Variants in PARD3B observed in about 807,000 individuals in gnomAD.
The protein encoded by PARD3B is par-3 family cell polarity regulator beta.
PARD3B carries 103 observed loss-of-function variants against 130.2 expected under a neutral mutation model. The observed-to-expected ratio is 0.79, with a 90% CI of 0.67 to 0.93. The LOEUF is 0.93. Among genes scored for constraint, PARD3B ranks in the 40% least tolerant of loss-of-function variants. The probability of loss-of-function intolerance (pLI) is 0.00; values close to 1 mark genes in which losing one functional copy is unlikely to be tolerated. For synonymous variants in PARD3B, 583 were observed against 553.2 expected, an observed-to-expected ratio of 1.05 and a Z score of -0.76; for missense variants, 1,609 against 1,499.2, an observed-to-expected ratio of 1.07 and a Z score of -1.21.
At position 205,274,034 on chromosome 2, in the gene PARD3B, G is replaced by C. The variant is rs527502701; in HGVS notation, c.2186-26496G>C. 1.4e-4 allele frequency among the ~76,000 whole-genome samples: 21 copies of C among 152,188 alleles called. No homozygotes were observed. The East Asian group carries it at 4.1e-3, about 29-fold the overall frequency. On this transcript the variant is annotated intron_variant, in intron 16 of 22. Transcript: ENST00000406610. The surrounding 1 kb of genome is among the most constrained non-coding windows in gnomAD (Gnocchi z 4.2). ...CTGGTTACTTCATTGCACATTTGAGGATTGGCTCCTGTTTTGTGTTATCCA... is the reference window on the plus strand; with the variant it reads ...CTGGTTACTTCATTGCACATTTGAGCATTGGCTCCTGTTTTGTGTTATCCA...
At chr2:205,383,348 C>T (rs13382439) in intron 18 of PARD3B, among the ~76,000 whole-genome samples, 3,381 of 151,900 alleles carry the variant, frequency 0.022, 123 homozygotes, top group African/African-American at 0.078. Context: ...ATTATTTGTT[C>T]AACCCTCATA....
chr2:204,847,859 G>C (rs1037105810), intron 2 of PARD3B, among the ~76,000 whole-genome samples: 2 of 152,158 alleles, frequency 1.3e-5, no homozygotes, highest in Admixed American at 6.6e-5. Context: ...CGTATGCTGA[G>C]GTTGCTAAGA....
At chr2:205,199,242 C>A (rs1000701801) in intron 15 of PARD3B, among the ~76,000 whole-genome samples, 2 of 151,768 alleles carry the variant, frequency 1.3e-5, no homozygotes, top group Non-Finnish European at 2.9e-5. Flanking sequence ...AGATTAGAAC[C>A]CCAACAGGAA....
chr2:205,490,346 G>C (rs886262211), intron 20 of PARD3B, among the ~76,000 whole-genome samples: 1 of 150,486 alleles, frequency 6.6e-6, no homozygotes, highest in Middle Eastern at 3.5e-3. Context: ...TCCCACCTAT[G>C]AGCGAGAACG....
rs1008747643 is a variant in PARD3B at position 205,440,510 on chromosome 2, A to G, written c.2882A>G (p.Glu961Gly). The change falls in exon 20 of 23, where the codon GAA (glutamate) becomes GGA (glycine). Residue 961 changes from glutamate to glycine, a missense_variant. Physicochemically the swap from Glu to Gly is moderately conservative, Grantham distance 98 (BLOSUM62 -2). Coordinates refer to ENST00000406610, the MANE Select transcript of PARD3B (RefSeq NM_001302769.2). This position sits in a 1 kb window ranked among gnomAD's most constrained non-coding sequence, Gnocchi z 4.2. ...TATGCCAGAGTGAACCACTTTCGGG[A>G]ACCATGCACATCAGCAAATGTCTTT... is the stretch of plus-strand genomic sequence containing the variant. ...PNYARVNHFREPCTSANVFRS... is the reference protein window; with the variant it reads ...PNYARVNHFRGPCTSANVFRS... The G allele has an allele frequency of 6.2e-7, 1 of 1,614,076 alleles. No individual in the cohort carries two copies. The highest frequency in any genetic ancestry group is 1.7e-5 in the Admixed American group (1 of 60,012).
At position 204,707,105 on chromosome 2, in the gene PARD3B, T is replaced by C. The variant is rs575816311; in HGVS notation, c.222+20823T>C. Among the ~76,000 whole-genome samples, 8 of 152,274 alleles carry C rather than the reference T, an allele frequency of 5.3e-5. No homozygotes were observed. In the South Asian group the frequency reaches 1.7e-3, roughly 32 times the overall value. On this transcript the variant is annotated intron_variant, in intron 2 of 22. Transcript: ENST00000406610. Reference sequence around the variant, plus strand: ...GCCAAGCAGCTGCTGTGATGTCTGATATGGCAGAGTGGTTTCTCAGTGAAC... The same window carrying C: ...GCCAAGCAGCTGCTGTGATGTCTGACATGGCAGAGTGGTTTCTCAGTGAAC...
intron 19 of PARD3B, among the ~76,000 whole-genome samples, chr2:205,436,290 G>C (rs532951532): frequency 5.1e-4 from 78 of 152,276 alleles, no homozygotes; most frequent in African/African-American, 1.6e-3. Flanking sequence ...TAGCAACCAT[G>C]TTGAATTCTT....
intron 13 of PARD3B, among the ~76,000 whole-genome samples, chr2:205,178,870 AT>A (rs1382270872): frequency 6.6e-6 from 1 of 152,204 alleles, no homozygotes; most frequent in East Asian, 1.9e-4. Context: ...CTATACTATA[AT>A]TTTTATCATC....
chr2:204,619,103 T>A (rs758197583), intron 1 of PARD3B, among the ~76,000 whole-genome samples: 10 of 152,210 alleles, frequency 6.6e-5, no homozygotes, highest in Non-Finnish European at 1.3e-4. Flanking sequence ...GAAACCTTCA[T>A]CTTCACCTCT....
chr2:204,846,921 ATAAT>A (rs930915415), intron 2 of PARD3B, among the ~76,000 whole-genome samples: 7 of 151,948 alleles, frequency 4.6e-5, no homozygotes, highest in African/African-American at 1.5e-4. Flanking sequence ...ATGAAAGGAG[ATAAT>A]TAGAGTCGTA....
intron 13 of PARD3B, among the ~76,000 whole-genome samples, chr2:205,180,801 G>A (rs139747392): frequency 1.5e-3 from 234 of 152,200 alleles, no homozygotes; most frequent in Non-Finnish European, 2.8e-3. Context: ...CATTTGTACT[G>A]AAGAATTGCT....
At position 205,276,538 on chromosome 2, in the gene PARD3B, G is replaced by A. The variant is rs1230110230; in HGVS notation, c.2186-23992G>A. On this transcript the variant is annotated intron_variant, in intron 16 of 22. Coordinates refer to ENST00000406610, the MANE Select transcript of PARD3B (RefSeq NM_001302769.2). This position sits in a 1 kb window ranked among gnomAD's most constrained non-coding sequence, Gnocchi z 5.0. ...GCAGGTTGGCAATGAGGAGCTAGGC[G>A]GGGCCTTCGGGAGCGGGAGCAGCAC... 6.6e-6 allele frequency among the ~76,000 whole-genome samples: 1 copy of A among 152,168 alleles called. No homozygotes were observed. Among genetic ancestry groups the A allele is most frequent in the African/African-American group, 2.4e-5 (1 of 41,442 alleles).
intron 16 of PARD3B, among the ~76,000 whole-genome samples, chr2:205,279,671 G>A (rs527428875): frequency 1.7e-4 from 26 of 152,192 alleles, no homozygotes; most frequent in African/African-American, 4.6e-4. Flanking sequence ...TCTGAGTCAC[G>A]TCATGGCATG....
At chr2:204,850,511 T>TA (rs2044665132) in intron 2 of PARD3B, among the ~76,000 whole-genome samples, 1 of 151,836 alleles carries the variant, frequency 6.6e-6, no homozygotes, top group African/African-American at 2.4e-5. Flanking sequence ...TATATATATA[T>TA]GTGTGTGATT....
At chr2:205,212,417 G>T (rs1299513262) in intron 15 of PARD3B, among the ~76,000 whole-genome samples, 2 of 152,042 alleles carry the variant, frequency 1.3e-5, no homozygotes, top group Non-Finnish European at 2.9e-5. Context: ...TATCTCATAG[G>T]TCTCATCCTT....
rs112296749 is a variant in PARD3B, at chr2:205,010,183, CT to C, written c.395-37389del. On this transcript the variant is annotated intron_variant, in intron 3 of 22. Coordinates refer to ENST00000406610, the MANE Select transcript of PARD3B (RefSeq NM_001302769.2). ...GGGGGAGATCAGTTCCTTCATTATA[CT>C]TTTTTTTTGAAGTTAAGTAATTGAT... Among the ~76,000 whole-genome samples the C allele has an allele frequency of 5.3e-5, 8 of 151,280 alleles. No homozygotes were observed. In the East Asian group the frequency reaches 5.8e-4, roughly 11 times the overall value.
chr2:205,238,849 A>AAAAT (rs1273582854), intron 15 of PARD3B, among the ~76,000 whole-genome samples: 27 of 76,892 alleles, frequency 3.5e-4, no homozygotes, highest in South Asian at 1.0e-3. Flanking sequence ...AAAAAAAAAA[A>AAAAT]ATATATATAT....
At chr2:204,567,300 G>C (rs1298493634) in intron 1 of PARD3B, among the ~76,000 whole-genome samples, 1 of 151,728 alleles carries the variant, frequency 6.6e-6, no homozygotes, top group South Asian at 2.1e-4. Flanking sequence ...TGCAACTGTC[G>C]CCACCACCCA....
At chr2:204,798,197 C>T (rs563459387) in intron 2 of PARD3B, among the ~76,000 whole-genome samples, 240 of 152,260 alleles carry the variant, frequency 1.6e-3, no homozygotes, top group African/African-American at 5.4e-3. Context: ...CCTCATCCCC[C>T]AGCAGCCGCT....
Sources: gnomAD v4.1 joint callset for allele counts (sites outside exome capture counted in the v4.1 genomes callset) on GRCh38, gnomAD v4.1.1 for gene constraint, Gnocchi (gnomAD v3.1) non-coding constraint, MANE v1.5 for transcripts, NCBI Gene and HGNC (gene_info 2026-07-23, HGNC 2026-07-21) for gene names.